The following CYTH1 variants were observed in gnomAD, a reference collection of about 807,000 sequenced individuals.
The protein encoded by CYTH1 is cytohesin 1.
CYTH1 carries 18 observed loss-of-function variants against 61.8 expected under a neutral mutation model. The observed-to-expected ratio is 0.29, with a 90% CI of 0.20 to 0.43. The LOEUF (loss-of-function observed/expected upper bound fraction) is 0.43. Among genes scored for constraint, CYTH1 ranks in the 20% least tolerant of loss-of-function variants. The pLI, the probability that CYTH1 is intolerant of heterozygous loss-of-function variation, is 1.00. For synonymous variants in CYTH1, 174 were observed against 184.3 expected, an observed-to-expected ratio of 0.94 and a Z score of 0.45; for missense variants, 336 against 510.5, an observed-to-expected ratio of 0.66 and a Z score of 3.29.
chr17:78,702,520 C>G lies in CYTH1; in HGVS notation c.237+18G>C. The G allele has an allele frequency of 6.2e-7, 1 of 1,613,124 alleles. No homozygotes were observed. The highest frequency in any genetic ancestry group is 8.5e-7 in the Non-Finnish European group (1 of 1,179,472). On this transcript the variant is annotated intron_variant, in intron 4 of 13. Coordinates refer to ENST00000446868, the MANE Select transcript of CYTH1 (RefSeq NM_004762.6). ...ACCCCATCTAATATGGACCACTTCC[C>G]GCTTCTTTCTCACTTACCTTTTTAG...
intron 1 of CYTH1, among the ~76,000 whole-genome samples, chr17:78,771,487 C>A (rs2093471062): frequency 6.6e-6 from 1 of 151,884 alleles, no homozygotes; most frequent in South Asian, 2.1e-4. Context: ...AATCCCAGCA[C>A]TTTGGGAGGC....
chr17:78,760,521 A>G lies in CYTH1; in HGVS notation c.22+21681T>C, dbSNP rs866177130. On this transcript the variant is annotated intron_variant, in intron 1 of 13. Coordinates refer to ENST00000446868, the MANE Select transcript of CYTH1 (RefSeq NM_004762.6). ...TACATATATATGTATATATATGTAT[A>G]TATATATATACATACATATATATGT... Among the ~76,000 whole-genome samples the G allele has an allele frequency of 6.6e-4, 35 of 53,348 alleles. 4 individuals carry two copies. Among genetic ancestry groups the G allele is most frequent in the South Asian group, 1.6e-3 (3 of 1,848 alleles). 35.0% of individuals were successfully genotyped at this position (53,348 alleles called of 152,430 possible). A position where few individuals can be genotyped will look rare whatever the true frequency, so the allele number is the denominator to read the frequency against.
chr17:78,685,506 TTTAGC>T (rs1399799433), intron 11 of CYTH1, among the ~76,000 whole-genome samples: 1 of 152,206 alleles, frequency 6.6e-6, no homozygotes, highest in Non-Finnish European at 1.5e-5. Flanking sequence ...TATGAGTATA[TTTAGC>T]TATTAGTTCT....
intron 1 of CYTH1, among the ~76,000 whole-genome samples, chr17:78,763,884 G>A (rs2093438267): frequency 6.6e-6 from 1 of 152,164 alleles, no homozygotes; most frequent in Non-Finnish European, 1.5e-5. Flanking sequence ...GCTGAGATAG[G>A]CACATCACTT....
chr17:78,730,231 T>C (rs545532245), intron 1 of CYTH1, among the ~76,000 whole-genome samples: 1 of 151,916 alleles, frequency 6.6e-6, no homozygotes, highest in Non-Finnish European at 1.5e-5. Flanking sequence ...AAGGCGTCAA[T>C]AGTCACTGAC....
In CYTH1 at chr17:78,761,524, A is replaced by G. The variant is rs956292855; in HGVS notation, c.22+20678T>C. On this transcript the variant is annotated intron_variant, in intron 1 of 13. Transcript: ENST00000446868. ...GAGGCCGAGGCGGGCGGATCACGAG[A>G]TCAGGAGATCCAGACCAGCCTGGCT... 5.9e-5 allele frequency among the ~76,000 whole-genome samples: 9 copies of G among 152,214 alleles called. No homozygotes were observed. In the East Asian group the frequency reaches 1.7e-3, roughly 30 times the overall value.
rs1279828952 is a variant in CYTH1, at chr17:78,692,408, G to A, written c.891+9C>T. 6.2e-7 allele frequency: 1 copy of A among 1,614,070 alleles called. No homozygotes were observed. The highest frequency in any genetic ancestry group is 8.5e-7 in the Non-Finnish European group (1 of 1,179,958). On this transcript the variant is annotated intron_variant, in intron 11 of 13. Transcript: ENST00000446868. ...TCCCTAGTCTGGAGGCCGACTAGCA[G>A]GTGCTCACCGTGGTATACTCAAAGT...
intron 1 of CYTH1, among the ~76,000 whole-genome samples, chr17:78,738,096 T>G (rs937035700): frequency 1.3e-5 from 2 of 152,194 alleles, no homozygotes. Flanking sequence ...TTTCGGCACA[T>G]CTCTTTAATT....
At position 78,717,307 on chromosome 17, in the gene CYTH1, G is replaced by A. The variant is rs1327689724; in HGVS notation, c.23-7575C>T. On this transcript the variant is annotated intron_variant, in intron 1 of 13. Coordinates refer to ENST00000446868, the MANE Select transcript of CYTH1 (RefSeq NM_004762.6). The surrounding 1 kb of genome is among the most constrained non-coding windows in gnomAD (Gnocchi z 4.4). The stretch of plus-strand genomic sequence containing the variant: ...TGCCAGAGGGGCACCCGGAATCCAT[G>A]CCCACAAAGGTTAATCTGCAAGGTG... Among the ~76,000 whole-genome samples, 1 of 152,170 alleles carries A rather than the reference G, an allele frequency of 6.6e-6. No individual in the cohort carries two copies. Among genetic ancestry groups the A allele is most frequent in the African/African-American group, 2.4e-5 (1 of 41,434 alleles).
At chr17:78,751,638 G>A (rs1262185582) in intron 1 of CYTH1, among the ~76,000 whole-genome samples, 6 of 152,164 alleles carry the variant, frequency 3.9e-5, no homozygotes, top group Non-Finnish European at 7.3e-5. Flanking sequence ...AAATGACCAC[G>A]AAAGGACTAC....
At chr17:78,711,312 T>C (rs61415309) in intron 1 of CYTH1, among the ~76,000 whole-genome samples, 7,930 of 131,964 alleles carry the variant, frequency 0.06, 415 homozygotes, top group East Asian at 0.15. Context: ...AATATATATA[T>C]ATACACACAC....
chr17:78,763,870 G>A (rs1567881698), intron 1 of CYTH1, among the ~76,000 whole-genome samples: 1 of 152,158 alleles, frequency 6.6e-6, no homozygotes, highest in Non-Finnish European at 1.5e-5. Context: ...CAACACTTTG[G>A]AAGGCTGAGA....
Position 78,736,318 on chromosome 17 carries a change from AGGC to A in CYTH1, c.23-26589_23-26587del, listed in dbSNP as rs2093319719. 7.9e-5 allele frequency among the ~76,000 whole-genome samples: 12 copies of A among 152,234 alleles called. No homozygotes were observed. In the South Asian group the frequency reaches 2.5e-3, roughly 32 times the overall value. On this transcript the variant is annotated intron_variant, in intron 1 of 13. Coordinates refer to ENST00000446868, the MANE Select transcript of CYTH1 (RefSeq NM_004762.6). ...AGTGGAATCTACCAAGAAACACCCA[AGGC>A]GGAACTCTAACGAAAGCAAAGATTG... is the stretch of plus-strand genomic sequence containing the variant.
chr17:78,779,388 G>C (rs2093507054), intron 1 of CYTH1, among the ~76,000 whole-genome samples: 1 of 103,242 alleles, frequency 9.7e-6, no homozygotes, highest in African/African-American at 4.0e-5. Context: ...CAACAAGAGT[G>C]AAACTCCATC....
At chr17:78,766,283 A>G (rs1464269785) in intron 1 of CYTH1, among the ~76,000 whole-genome samples, 1 of 152,110 alleles carries the variant, frequency 6.6e-6, no homozygotes, top group Non-Finnish European at 1.5e-5. Flanking sequence ...AAGGGCAAAA[A>G]GGCTAAGAGA....
Position 78,760,483 on chromosome 17 carries a change from A to ATG in CYTH1, c.22+21717_22+21718dup, listed in dbSNP as rs1218127586. On this transcript the variant is annotated intron_variant, in intron 1 of 13. Transcript: ENST00000446868. ...TACATATATATATGTATATATATGT[A>ATG]TGTATATATATATACATATATATGT... is the stretch of plus-strand genomic sequence containing the variant. Among the ~76,000 whole-genome samples, 110 of 48,808 alleles carry ATG rather than the reference A, an allele frequency of 2.3e-3. 25 individuals carry two copies. The highest frequency in any genetic ancestry group is 4.6e-3 in the Admixed American group (21 of 4,554). 32.0% of individuals were successfully genotyped at this position (48,808 alleles called of 152,430 possible). A position where few individuals can be genotyped will look rare whatever the true frequency, so the allele number is the denominator to read the frequency against.
chr17:78,722,917 G>A (rs955758941), intron 1 of CYTH1, among the ~76,000 whole-genome samples: 1 of 152,098 alleles, frequency 6.6e-6, no homozygotes, highest in Non-Finnish European at 1.5e-5. Flanking sequence ...GCTGTTTTCT[G>A]CCCCCCTATT....
At chr17:78,698,147 GCGCACACATGCACA>G in intron 9 of CYTH1, 108 bp downstream of exon 9, 1 of 813,904 alleles carries the variant, frequency 1.2e-6, no homozygotes, top group Non-Finnish European at 2.1e-6. Context: ...ACACACGCAC[GCGCACACATGCACA>G]CGCACAAACA....
chr17:78,692,505 A>G lies in CYTH1; in HGVS notation c.815-12T>C. 6.8e-6 allele frequency: 11 copies of G among 1,613,816 alleles called. No homozygotes were observed. Among genetic ancestry groups the G allele is most frequent in the Non-Finnish European group, 9.3e-6 (11 of 1,179,872 alleles). ...CTTTACCCTGCCACCTGCAGAGCAA[A>G]AAGAGATGCACGTTCGACAAGAGAC... is the stretch of plus-strand genomic sequence containing the variant. On this transcript the variant is annotated splice_polypyrimidine_tract_variant and intron_variant, in intron 10 of 13. Transcript: ENST00000446868.
Sources: gnomAD v4.1 joint callset for allele counts (sites outside exome capture counted in the v4.1 genomes callset) on GRCh38, gnomAD v4.1.1 for gene constraint, Gnocchi (gnomAD v3.1) non-coding constraint, MANE v1.5 for transcripts, NCBI Gene and HGNC (gene_info 2026-07-23, HGNC 2026-07-21) for gene names.